Variants in STAP1 observed in about 807,000 individuals in gnomAD.
The protein encoded by STAP1 is signal-transducing adaptor protein 1.
In STAP1, 30 loss-of-function variants were observed where a neutral mutation model predicts 37.8. The observed-to-expected ratio is 0.79, with a 90% CI of 0.59 to 1.08. The LOEUF is 1.08. Ranked by LOEUF, STAP1 falls within the 50% of genes least tolerant of loss-of-function variation. The probability of loss-of-function intolerance (pLI) is 0.00; values close to 1 mark genes in which losing one functional copy is unlikely to be tolerated. For missense variants in STAP1, 357 were observed against 349.4 expected, an observed-to-expected ratio of 1.02 and a Z score of -0.17; for synonymous variants, 130 against 116.0, an observed-to-expected ratio of 1.12 and a Z score of -0.78.
At chr4:67,570,138 T>G (rs9986059) in intron 1 of STAP1, among the ~76,000 whole-genome samples, 1 of 151,932 alleles carries the variant, frequency 6.6e-6, no homozygotes. Context: ...GCTGCTTCAC[T>G]GTTAGTTATG....
chr4:67,580,310 C>T (rs1489418387), intron 4 of STAP1, among the ~76,000 whole-genome samples: 1 of 152,058 alleles, frequency 6.6e-6, no homozygotes, highest in Non-Finnish European at 1.5e-5. Context: ...AATTGTTTTA[C>T]TGGTTATTAT....
intron 8 of STAP1, among the ~76,000 whole-genome samples, chr4:67,596,062 G>A (rs991328023): frequency 2.6e-5 from 4 of 152,072 alleles, no homozygotes; most frequent in Non-Finnish European, 5.9e-5. Context: ...TAGTGATATG[G>A]TTTGGCTGTT....
chr4:67,578,303 T>C (rs1727771666), intron 4 of STAP1, among the ~76,000 whole-genome samples: 1 of 152,212 alleles, frequency 6.6e-6, no homozygotes, highest in Admixed American at 6.5e-5. Context: ...AAAAACTGTG[T>C]TTATTAGAGT....
chr4:67,569,142 G>GT (rs1727542520), intron 1 of STAP1, among the ~76,000 whole-genome samples: 1 of 152,150 alleles, frequency 6.6e-6, no homozygotes, highest in Admixed American at 6.5e-5. Context: ...TGTATAGCAT[G>GT]TTATTGTATT....
chr4:67,591,334 C>A (rs1728114855), intron 7 of STAP1, among the ~76,000 whole-genome samples: 2 of 152,170 alleles, frequency 1.3e-5, no homozygotes, highest in African/African-American at 4.8e-5. Context: ...CTCTTAATAG[C>A]AACATAGTAG....
intron 8 of STAP1, among the ~76,000 whole-genome samples, chr4:67,602,283 A>G (rs1728360465): frequency 6.8e-6 from 1 of 147,066 alleles, no homozygotes; most frequent in Admixed American, 7.0e-5. Flanking sequence ...CTTCCTAGAA[A>G]TGGCTATTTT....
At chr4:67,568,267 A>G (rs1348486606) in intron 1 of STAP1, among the ~76,000 whole-genome samples, 1 of 152,252 alleles carries the variant, frequency 6.6e-6, no homozygotes, top group East Asian at 1.9e-4. Context: ...CTTCACATGC[A>G]CAATAAAAGA....
At chr4:67,577,705 A>G (rs1271578295) in intron 4 of STAP1, among the ~76,000 whole-genome samples, 2 of 143,676 alleles carry the variant, frequency 1.4e-5, no homozygotes, top group Non-Finnish European at 3.0e-5. Flanking sequence ...GCTGGAGTGC[A>G]GTGGCATAAT....
chr4:67,587,724 T>C (rs1405366198), intron 6 of STAP1, among the ~76,000 whole-genome samples: 1 of 40,778 alleles, frequency 2.5e-5, no homozygotes, highest in African/African-American at 5.2e-5. Context: ...TCTTTCTTTT[T>C]TTTTTTTTTT....
rs34000253 is a variant in STAP1, at chr4:67,562,601, T to TAAA, written c.120+3691_120+3693dup. On this transcript the variant is annotated intron_variant, in intron 1 of 8. Coordinates refer to ENST00000265404, the MANE Select transcript of STAP1 (RefSeq NM_012108.4). The stretch of plus-strand genomic sequence containing the variant: ...TAACAAGGTGAAACCCTGTCTCTAC[T>TAAA]AAAAAAAAAAAAAAAAAAAAATTAG... Among the ~76,000 whole-genome samples, 284 of 117,240 alleles carry TAAA rather than the reference T, an allele frequency of 2.4e-3. 1 individual carries two copies. The highest frequency in any genetic ancestry group is 8.0e-3 in the African/African-American group (244 of 30,324). 76.9% of individuals were successfully genotyped at this position (117,240 alleles called of 152,430 possible). A position where few individuals can be genotyped will look rare whatever the true frequency, so the allele number is the denominator to read the frequency against.
chr4:67,599,973 T>C (rs1728306079), intron 8 of STAP1, among the ~76,000 whole-genome samples: 1 of 152,124 alleles, frequency 6.6e-6, no homozygotes, highest in Non-Finnish European at 1.5e-5. Flanking sequence ...GTTTCAATAA[T>C]CTTTTGTATT....
chr4:67,593,450 G>A (rs1417352637), intron 8 of STAP1, 94 bp downstream of exon 8: 2 of 856,474 alleles, frequency 2.3e-6, no homozygotes, highest in African/African-American at 3.4e-5. Context: ...TACCAGCCAG[G>A]CAGGAACTGT....
In STAP1 at chr4:67,606,280, T is replaced by C; in HGVS notation, c.827-16T>C. The C allele has an allele frequency of 1.9e-6, 3 of 1,598,102 alleles. No individual in the cohort carries two copies. Among genetic ancestry groups the C allele is most frequent in the Non-Finnish European group, 2.6e-6 (3 of 1,175,428 alleles). ...TATTGGTTCGCTAATTAAGTTTTTC[T>C]ACCCACAATTTCTAGGTCAAGAACC... On this transcript the variant is annotated splice_polypyrimidine_tract_variant and intron_variant, in intron 8 of 8. Transcript: ENST00000265404.
chr4:67,578,614 T>C (rs1333179977), intron 4 of STAP1, among the ~76,000 whole-genome samples: 1 of 152,162 alleles, frequency 6.6e-6, no homozygotes, highest in Non-Finnish European at 1.5e-5. Flanking sequence ...CAATACCGGG[T>C]ATAACTATCC....
intron 8 of STAP1, among the ~76,000 whole-genome samples, chr4:67,602,147 C>A (rs1728357055): frequency 6.6e-6 from 1 of 151,776 alleles, no homozygotes; most frequent in Admixed American, 6.6e-5. Context: ...CTGATATATC[C>A]TTCAGAATGT....
intron 8 of STAP1, among the ~76,000 whole-genome samples, 198 bp downstream of exon 8, chr4:67,593,554 G>A (rs1379698609): frequency 6.6e-6 from 1 of 152,074 alleles, no homozygotes; most frequent in Non-Finnish European, 1.5e-5. Flanking sequence ...ACAGAGTATG[G>A]GTGCATTTTA....
At chr4:67,590,481 T>A (rs1173361639) in intron 6 of STAP1, among the ~76,000 whole-genome samples, 1 of 152,202 alleles carries the variant, frequency 6.6e-6, no homozygotes, top group Admixed American at 6.5e-5. Context: ...TTTTAATAAT[T>A]CTTTCTACTT....
rs140712709 is a variant in STAP1, at chr4:67,564,668, T to C, written c.120+5739T>C. Among the ~76,000 whole-genome samples, 31 of 152,240 alleles carry C rather than the reference T, an allele frequency of 2.0e-4. No homozygotes were observed. The East Asian group carries it at 4.4e-3, about 22-fold the overall frequency. On this transcript the variant is annotated intron_variant, in intron 1 of 8. Coordinates refer to ENST00000265404, the MANE Select transcript of STAP1 (RefSeq NM_012108.4). ...TTTAGTAAAATTGCACAAATGACACTTTGGGAGCCTGAGGCGGGTGGATCA... is the reference window on the plus strand; with the variant it reads ...TTTAGTAAAATTGCACAAATGACACCTTGGGAGCCTGAGGCGGGTGGATCA...
chr4:67,564,962 C>A (rs1323526584), intron 1 of STAP1, among the ~76,000 whole-genome samples: 2 of 152,098 alleles, frequency 1.3e-5, no homozygotes, highest in Non-Finnish European at 2.9e-5. Context: ...GTTCTCAGAA[C>A]AATATGCATT....
Sources: allele counts gnomAD v4.1 joint callset (sites outside exome capture counted in the v4.1 genomes callset), GRCh38; gene constraint gnomAD v4.1.1; transcripts MANE v1.5; gene names NCBI Gene and HGNC (gene_info 2026-07-23, HGNC 2026-07-21).